Variants in ZNF276 observed in about 807,000 individuals in gnomAD.
The protein encoded by ZNF276 is centromere protein Z.
ZNF276 carries 59 observed loss-of-function variants against 63.9 expected under a neutral mutation model. That is an observed-to-expected ratio of 0.92 (90% CI 0.75 to 1.15). The LOEUF is 1.15. ZNF276 is among the 50% of genes most tolerant of loss of function. ZNF276 has a pLI of 0.00. For missense variants in ZNF276, 1,084 were observed against 843.8 expected (o/e 1.28, Z -3.53); for synonymous variants, 496 against 348.4 (o/e 1.42, Z -4.72).
chr16:89,721,494 C>T (rs2061269779), upstream of ZNF276: 2 of 810,524 alleles, frequency 2.5e-6, no homozygotes, highest in Non-Finnish European at 3.5e-6. Flanking sequence ...GCCCCTGGCC[C>T]GCCCCGCCCG....
Position 89,739,328 on chromosome 16 carries a change from C to T in ZNF276, c.*1082C>T. 1 of 1,612,740 alleles carries T rather than the reference C, an allele frequency of 6.2e-7. No individual in the cohort carries two copies. Among genetic ancestry groups the T allele is most frequent in the South Asian group, 1.1e-5 (1 of 90,982 alleles). On this transcript the variant is annotated 3_prime_UTR_variant, in exon 11 of 11. Transcript: ENST00000443381. ...CATAGTGACAAATGGCTACAGACTGCTGGAAAGGTAGCAGGTGATGCCAAG... is the reference window on the plus strand; with the variant it reads ...CATAGTGACAAATGGCTACAGACTGTTGGAAAGGTAGCAGGTGATGCCAAG...
chr16:89,739,094 G>A lies in ZNF276; in HGVS notation c.*848G>A, dbSNP rs751344774. On this transcript the variant is annotated 3_prime_UTR_variant, in exon 11 of 11. Coordinates refer to ENST00000443381, the MANE Select transcript of ZNF276 (RefSeq NM_001113525.2). Reference sequence around the variant, plus strand: ...TTGGCAGAAGGAGCCTCCGGCTGGGGGGAGCTCCCCTGGAGGTGGGACTGG... The same window carrying A: ...TTGGCAGAAGGAGCCTCCGGCTGGGAGGAGCTCCCCTGGAGGTGGGACTGG... 1.2e-6 allele frequency: 2 copies of A among 1,613,934 alleles called. No individual in the cohort carries two copies. The highest frequency in any genetic ancestry group is 1.7e-6 in the Non-Finnish European group (2 of 1,179,882).
chr16:89,740,608 C>G lies in ZNF276; in HGVS notation c.*2362C>G, dbSNP rs2151716078. 3.3e-6 allele frequency: 2 copies of G among 598,634 alleles called. No homozygotes were observed. The highest frequency in any genetic ancestry group is 4.1e-5 in the South Asian group (2 of 49,212). 37.1% of individuals were successfully genotyped at this position (598,634 alleles called of 1,614,324 possible). A position where few individuals can be genotyped will look rare whatever the true frequency, so the allele number is the denominator to read the frequency against. The stretch of plus-strand genomic sequence containing the variant: ...CTGAGATCACACCACTGCACTCCAG[C>G]CTGGGTGACAGAGTGAGACCCCCAT... On this transcript the variant is annotated 3_prime_UTR_variant, in exon 11 of 11. Transcript: ENST00000443381.
intron 3 of ZNF276, 27 bp from the exon 4 acceptor site, chr16:89,723,233 T>C (rs1259144160): frequency 6.2e-7 from 1 of 1,613,214 alleles, no homozygotes; most frequent in Non-Finnish European, 8.5e-7. Flanking sequence ...CAGCCGTGGA[T>C]CTGACATCTC....
chr16:89,739,703 T>A lies in ZNF276; in HGVS notation c.*1457T>A. The A allele has an allele frequency of 1.3e-6, 2 of 1,511,972 alleles. No individual in the cohort carries two copies. Among genetic ancestry groups the A allele is most frequent in the East Asian group, 4.9e-5 (2 of 40,624 alleles). The allele number at this position is 1,511,972 out of a possible 1,614,324, so 93.7% of individuals were successfully genotyped here. A position where few individuals can be genotyped will look rare whatever the true frequency, so the allele number is the denominator to read the frequency against. ...ACAGCCTGAGCTGAGGATACCCAGG[T>A]ACCTGTCAGCAGCTGGGAGAGGATG... On this transcript the variant is annotated 3_prime_UTR_variant, in exon 11 of 11. Coordinates refer to ENST00000443381, the MANE Select transcript of ZNF276 (RefSeq NM_001113525.2).
intron 9 of ZNF276, among the ~76,000 whole-genome samples, chr16:89,737,118 A>G (rs1415636749): frequency 6.6e-6 from 1 of 152,190 alleles, no homozygotes; most frequent in Non-Finnish European, 1.5e-5. Flanking sequence ...ACAGCAATGC[A>G]TACCCCCAGA....
Position 89,740,696 on chromosome 16 carries a change from A to C in ZNF276, c.*2450A>C. ...TCTCACTCACACTTCCGCAAACACA[A>C]GGAGCTCCTGAGCTAGTCTGGAAAC... On this transcript the variant is annotated 3_prime_UTR_variant, in exon 11 of 11. Transcript: ENST00000443381. 1.1e-6 allele frequency: 1 copy of C among 873,442 alleles called. No individual in the cohort carries two copies. Among genetic ancestry groups the C allele is most frequent in the Non-Finnish European group, 1.9e-6 (1 of 529,252 alleles). 54.1% of individuals were successfully genotyped at this position (873,442 alleles called of 1,614,324 possible).
At chr16:89,724,719 C>T (rs1175788500) in intron 4 of ZNF276, among the ~76,000 whole-genome samples, 1 of 152,164 alleles carries the variant, frequency 6.6e-6, no homozygotes, top group East Asian at 1.9e-4. Context: ...GCTCGGGGGC[C>T]TCAGGTAGGA....
chr16:89,739,506 T>A lies in ZNF276; in HGVS notation c.*1260T>A. ...TAAAAAGCGAAAGGCAGCAGCCTGG[T>A]GTGCTGATCCGGGGCCACACGGAGG... is the stretch of plus-strand genomic sequence containing the variant. On this transcript the variant is annotated 3_prime_UTR_variant, in exon 11 of 11. Transcript: ENST00000443381. 6.4e-7 allele frequency: 1 copy of A among 1,551,290 alleles called. No individual in the cohort carries two copies. The highest frequency in any genetic ancestry group is 8.7e-7 in the Non-Finnish European group (1 of 1,147,130).
chr16:89,725,674 C>A (rs1341743203), intron 4 of ZNF276, among the ~76,000 whole-genome samples: 2 of 151,928 alleles, frequency 1.3e-5, no homozygotes, highest in African/African-American at 4.8e-5. Context: ...GCCTGTAGGC[C>A]CAGCTACTTG....
Position 89,738,140 on chromosome 16 carries a change from C to T in ZNF276, c.1739C>T (p.Thr580Ile). Reference protein sequence around the residue: ...NVHMSMVHPLTQTQDKALPLE... With the variant: ...NVHMSMVHPLIQTQDKALPLE... ...CACATGTCCATGGTGCACCCGCTGA[C>T]ACAGACCCAGGACAAGGCCCTGCCC... is the stretch of plus-strand genomic sequence containing the variant. The change falls in exon 11 of 11, where the codon ACA becomes ATA. Residue 580 changes from threonine to isoleucine, a missense_variant. Thr to Ile is a moderately conservative substitution (Grantham distance 89, BLOSUM62 -1). Coordinates refer to ENST00000443381, the MANE Select transcript of ZNF276 (RefSeq NM_001113525.2). 1.9e-6 allele frequency: 3 copies of T among 1,613,690 alleles called. No homozygotes were observed. The highest frequency in any genetic ancestry group is 2.5e-6 in the Non-Finnish European group (3 of 1,180,002).
At chr16:89,736,382 C>G in intron 9 of ZNF276, among the ~76,000 whole-genome samples, 1 of 146,706 alleles carries the variant, frequency 6.8e-6, no homozygotes, top group African/African-American at 2.5e-5. Flanking sequence ...TGGAGTGCAG[C>G]TGTGCAATCT....
intron 5 of ZNF276, among the ~76,000 whole-genome samples, chr16:89,728,552 G>A (rs1298373165): frequency 6.6e-5 from 10 of 152,120 alleles, no homozygotes; most frequent in Admixed American, 2.0e-4. Flanking sequence ...ACAGGCACCC[G>A]CCACCACGCC....
intron 6 of ZNF276, chr16:89,732,246 G>A (rs2061677744): frequency 6.6e-6 from 1 of 152,254 alleles, no homozygotes; most frequent in Non-Finnish European, 1.5e-5. Flanking sequence ...CAACTAAAAT[G>A]CACGACCCCA....
rs1325174018 is a variant in ZNF276 at position 89,739,637 on chromosome 16, TGTACCCTGGGAG to T, written c.*1393_*1404del. 1.2e-4 allele frequency: 181 copies of T among 1,518,272 alleles called. 5 individuals carry two copies. The South Asian group carries it at 2.0e-3, about 17-fold the overall frequency. 94.1% of individuals were successfully genotyped at this position (1,518,272 alleles called of 1,614,324 possible). On this transcript the variant is annotated 3_prime_UTR_variant, in exon 11 of 11. Transcript: ENST00000443381. The stretch of plus-strand genomic sequence containing the variant: ...GGGGACACCCCTGGGGGTCGGGACG[TGTACCCTGGGAG>T]GCCTGGCTGTGGGGATAGTGTGGGG...
chr16:89,730,256 C>G (rs1597997138), intron 6 of ZNF276, among the ~76,000 whole-genome samples: 2 of 152,224 alleles, frequency 1.3e-5, no homozygotes, highest in South Asian at 4.1e-4. Context: ...AAAAGGTGCC[C>G]GGGGGTCCCT....
intron 6 of ZNF276, among the ~76,000 whole-genome samples, chr16:89,730,476 C>G (rs993435506): frequency 6.6e-6 from 1 of 152,102 alleles, no homozygotes; most frequent in Admixed American, 6.5e-5. Flanking sequence ...TTTTCCGGAT[C>G]GAGGCAGATT....
rs1800359 is a variant in ZNF276 at position 89,738,853 on chromosome 16, A to C, written c.*607A>C. On this transcript the variant is annotated 3_prime_UTR_variant, in exon 11 of 11. Transcript: ENST00000443381. Reference sequence around the variant, plus strand: ...AGCTGTCAATTCTCATGTCCCCCACATGGCCCAAGGTGGGCATCTTGACGT... The same window carrying C: ...AGCTGTCAATTCTCATGTCCCCCACCTGGCCCAAGGTGGGCATCTTGACGT... 49 of 1,613,940 alleles carry C rather than the reference A, an allele frequency of 3.0e-5. No individual in the cohort carries two copies. Among genetic ancestry groups the C allele is most frequent in the Non-Finnish European group, 3.8e-5 (45 of 1,179,954 alleles).
intron 6 of ZNF276, among the ~76,000 whole-genome samples, chr16:89,730,586 C>CA (rs2061613571): frequency 6.6e-6 from 1 of 152,162 alleles, no homozygotes; most frequent in African/African-American, 2.4e-5. Flanking sequence ...GGAGTGCAGA[C>CA]AAAGACGTGC....
Sources: gnomAD v4.1 joint callset for allele counts (sites outside exome capture counted in the v4.1 genomes callset) on GRCh38, gnomAD v4.1.1 for gene constraint, MANE v1.5 for transcripts, NCBI Gene and HGNC (gene_info 2026-07-23, HGNC 2026-07-21) for gene names.